The following RGL1 variants were observed in gnomAD, a reference collection of about 807,000 sequenced individuals.
RGL1 encodes the protein ral guanine nucleotide dissociation stimulator like 1, also known as ral guanine nucleotide dissociation stimulator-like 1.
RGL1 carries 24 observed loss-of-function variants against 95.2 expected under a neutral mutation model. The ratio of observed to expected loss-of-function variants is 0.25; its 90% confidence interval spans 0.18 to 0.35. The LOEUF is 0.35. RGL1 is among the 10% of genes least tolerant of loss of function. The pLI is 1.00. For missense variants in RGL1, 715 were observed against 936.3 expected (o/e 0.76, Z 3.08); for synonymous variants, 329 against 344.9 (o/e 0.95, Z 0.51).
chr1:183,842,942 G>A (rs550455620), intron 2 of RGL1, among the ~76,000 whole-genome samples: 1 of 152,298 alleles, frequency 6.6e-6, no homozygotes, highest in African/African-American at 2.4e-5. Flanking sequence ...CGGGCCATAT[G>A]GCAGAGTATT....
chr1:183,733,030 C>A (rs2102234224), intron 1 of RGL1, among the ~76,000 whole-genome samples: 1 of 152,258 alleles, frequency 6.6e-6, no homozygotes, highest in Middle Eastern at 3.4e-3. Flanking sequence ...ACAGCTGCTT[C>A]TCCTCTGATA....
intron 2 of RGL1, among the ~76,000 whole-genome samples, chr1:183,832,256 T>C (rs1663312135): frequency 6.6e-6 from 1 of 152,164 alleles, no homozygotes; most frequent in African/African-American, 2.4e-5. Flanking sequence ...GGAGTAAGGA[T>C]GATCTGTACA....
intron 3 of RGL1, among the ~76,000 whole-genome samples, chr1:183,862,893 C>T (rs1038135333): frequency 6.6e-6 from 1 of 152,008 alleles, no homozygotes; most frequent in Non-Finnish European, 1.5e-5. Context: ...AACACAACAA[C>T]AAAATGAACT....
At chr1:183,735,251 TCCACA>T (rs1656870049) in intron 1 of RGL1, among the ~76,000 whole-genome samples, 1 of 152,136 alleles carries the variant, frequency 6.6e-6, no homozygotes, top group South Asian at 2.1e-4. Flanking sequence ...CACTTCTAAC[TCCACA>T]GACAGTATTG....
At chr1:183,921,725 C>T (rs1252246057) in intron 16 of RGL1, among the ~76,000 whole-genome samples, 1 of 151,992 alleles carries the variant, frequency 6.6e-6, no homozygotes, top group Non-Finnish European at 1.5e-5. Flanking sequence ...GTTTTTATTC[C>T]GCTTGGTAAA....
chr1:183,874,016 T>G (rs941519234), intron 4 of RGL1, among the ~76,000 whole-genome samples: 3 of 152,206 alleles, frequency 2.0e-5, no homozygotes, highest in Non-Finnish European at 4.4e-5. Context: ...GAAAACTCCC[T>G]TCTTGGACTG....
chr1:183,853,234 C>A (rs376674489), intron 3 of RGL1, among the ~76,000 whole-genome samples: 12 of 152,120 alleles, frequency 7.9e-5, no homozygotes, highest in African/African-American at 2.7e-4. Context: ...GAGGGTGAGG[C>A]AGGAGGATAA....
chr1:183,661,390 C>G (rs1197986058), intron 1 of RGL1, among the ~76,000 whole-genome samples: 1 of 152,104 alleles, frequency 6.6e-6, no homozygotes, highest in Non-Finnish European at 1.5e-5. Context: ...CCACCAATCC[C>G]ACAGAAATGC....
At chr1:183,665,321 A>G (rs918603599) in intron 1 of RGL1, among the ~76,000 whole-genome samples, 1 of 152,188 alleles carries the variant, frequency 6.6e-6, no homozygotes, top group Middle Eastern at 3.4e-3. Flanking sequence ...TTTCACATCT[A>G]TGTTCATGAG....
At chr1:183,912,922 A>ACAT (rs1668733174) in intron 15 of RGL1, among the ~76,000 whole-genome samples, 1 of 152,224 alleles carries the variant, frequency 6.6e-6, no homozygotes, top group South Asian at 2.1e-4. Context: ...TCATGTGGCC[A>ACAT]CATTCCACAT....
At chr1:183,903,813 C>T (rs994553676) in intron 12 of RGL1, among the ~76,000 whole-genome samples, 3 of 152,186 alleles carry the variant, frequency 2.0e-5, no homozygotes, top group Non-Finnish European at 4.4e-5. Flanking sequence ...CTAAACAAAG[C>T]TGGGCTTATC....
At chr1:183,646,839 C>T (rs139734681) in intron 1 of RGL1, 2 of 152,316 alleles carry the variant, frequency 1.3e-5, no homozygotes, top group East Asian at 3.9e-4. Context: ...TTGCTACTCA[C>T]ATTTTGCTGG....
At chr1:183,830,787 A>G (rs546100278) in intron 2 of RGL1, among the ~76,000 whole-genome samples, 1 of 152,336 alleles carries the variant, frequency 6.6e-6, no homozygotes, top group East Asian at 1.9e-4. Flanking sequence ...TAATAAATTC[A>G]CTGCAGTTCT....
chr1:183,681,892 G>A (rs1394125139), intron 1 of RGL1, among the ~76,000 whole-genome samples: 2 of 152,104 alleles, frequency 1.3e-5, no homozygotes, highest in African/African-American at 2.4e-5. Context: ...CTTCTTCCTG[G>A]TTTAGTCTTG....
intron 1 of RGL1, among the ~76,000 whole-genome samples, chr1:183,666,721 A>G (rs1199566455): frequency 6.6e-6 from 1 of 152,222 alleles, no homozygotes; most frequent in African/African-American, 2.4e-5. Flanking sequence ...GAAAGCAGAC[A>G]CTGTATGATT....
At position 183,902,590 on chromosome 1, in the gene RGL1, A is replaced by G. The variant is rs1431579697; in HGVS notation, c.1340A>G (p.Lys447Arg). Residue 447 changes from lysine to arginine, a missense_variant, in exon 12 of 18, where the codon AAA (lysine) becomes AGA (arginine). Lys to Arg is a conservative substitution (Grantham distance 26). Coordinates refer to ENST00000360851, the MANE Select transcript of RGL1 (RefSeq NM_001297671.3). Reference sequence around the variant, plus strand: ...TAGGGTGGACTGATAAACTTTGAGAAAAGGAGAAGGGTAAGTAGAGTTGTT... The same window carrying G: ...TAGGGTGGACTGATAAACTTTGAGAGAAGGAGAAGGGTAAGTAGAGTTGTT... ...YIEGGLINFE[K>R]RRREFEVIAQ... is the part of the protein sequence containing the mutation. The G allele has an allele frequency of 1.2e-6, 2 of 1,611,124 alleles. No individual in the cohort carries two copies. The highest frequency in any genetic ancestry group is 8.5e-7 in the Non-Finnish European group (1 of 1,179,074).
At chr1:183,816,003 A>AT (rs1204093400) in intron 2 of RGL1, among the ~76,000 whole-genome samples, 1 of 152,160 alleles carries the variant, frequency 6.6e-6, no homozygotes, top group Non-Finnish European at 1.5e-5. Context: ...TGTCATTAAC[A>AT]TCCCTCTCTC....
intron 1 of RGL1, among the ~76,000 whole-genome samples, chr1:183,643,973 G>A (rs1437647297): frequency 6.6e-6 from 1 of 152,172 alleles, no homozygotes; most frequent in Non-Finnish European, 1.5e-5. Context: ...CGACAGGGGA[G>A]TGGGGGAGGG....
chr1:183,735,865 A>G (rs1018848445), intron 1 of RGL1, among the ~76,000 whole-genome samples: 3 of 152,132 alleles, frequency 2.0e-5, no homozygotes, highest in African/African-American at 7.2e-5. Flanking sequence ...CTGTGTTCTC[A>G]GAAGAAATAG....
Sources: allele counts gnomAD v4.1 joint callset (sites outside exome capture counted in the v4.1 genomes callset), GRCh38; gene constraint gnomAD v4.1.1; transcripts MANE v1.5; gene names NCBI Gene and HGNC (gene_info 2026-07-23, HGNC 2026-07-21).